KIF13B: variants seen among roughly 807,000 people sequenced by gnomAD.
KIF13B encodes the protein kinesin family member 13B, also known as kinesin-like protein KIF13B.
A neutral mutation model predicts 222.0 loss-of-function variants in KIF13B; 127 were observed. That is an observed-to-expected ratio of 0.57 (90% CI 0.50 to 0.66). The LOEUF (loss-of-function observed/expected upper bound fraction) is 0.66. KIF13B is among the 30% of genes least tolerant of loss of function. The probability of loss-of-function intolerance (pLI) is 0.00; values close to 1 mark genes in which losing one functional copy is unlikely to be tolerated. For missense variants in KIF13B, 2,173 were observed against 2,379.0 expected (o/e 0.91, Z 1.80); for synonymous variants, 976 against 919.0 (o/e 1.06, Z -1.12).
intron 10 of KIF13B, among the ~76,000 whole-genome samples, chr8:29,174,798 A>G (rs1812408414): frequency 6.6e-6 from 1 of 152,258 alleles, no homozygotes; most frequent in Non-Finnish European, 1.5e-5. Flanking sequence ...ACATTTACGT[A>G]AAGAATGTTT....
chr8:29,254,557 C>T (rs1019385314), intron 1 of KIF13B, among the ~76,000 whole-genome samples: 5 of 152,164 alleles, frequency 3.3e-5, no homozygotes, highest in African/African-American at 1.2e-4. Context: ...TGAAAAGACG[C>T]TCAACATTAT....
intron 2 of KIF13B, among the ~76,000 whole-genome samples, chr8:29,199,049 T>C (rs1044350579): frequency 6.9e-5 from 10 of 144,066 alleles, no homozygotes; most frequent in Non-Finnish European, 1.5e-4. Flanking sequence ...AAAAACCACT[T>C]GTACCCAAAA....
At chr8:29,185,236 G>C (rs552624641) in intron 6 of KIF13B, among the ~76,000 whole-genome samples, 1 of 152,212 alleles carries the variant, frequency 6.6e-6, no homozygotes, top group South Asian at 2.1e-4. Context: ...CTTCCCAGTG[G>C]ACCAACTTCC....
At position 29,117,027 on chromosome 8, in the gene KIF13B, G is replaced by C. The variant is rs776555348; in HGVS notation, c.3661-20C>G. ...TTTCACCTGGAGAGAAGACAGAGAG[G>C]AAACAGGTTTCTCTCTTCTCCAGAA... is the stretch of plus-strand genomic sequence containing the variant. On this transcript the variant is annotated intron_variant, in intron 30 of 39. Coordinates refer to ENST00000524189, the MANE Select transcript of KIF13B (RefSeq NM_015254.4). 3 of 1,532,878 alleles carry C rather than the reference G, an allele frequency of 2.0e-6. No individual in the cohort carries two copies. The highest frequency in any genetic ancestry group is 1.8e-6 in the Non-Finnish European group (2 of 1,133,216). The allele number at this position is 1,532,878 out of a possible 1,614,324, so 95.0% of individuals were successfully genotyped here. A position where few individuals can be genotyped will look rare whatever the true frequency, so the allele number is the denominator to read the frequency against.
intron 2 of KIF13B, among the ~76,000 whole-genome samples, chr8:29,208,857 C>T (rs1415585784): frequency 1.3e-5 from 2 of 152,236 alleles, no homozygotes; most frequent in Non-Finnish European, 2.9e-5. Flanking sequence ...CCCCAGGCCA[C>T]AGCCTCGTCT....
At chr8:29,142,695 C>T (rs1391547813) in intron 18 of KIF13B, among the ~76,000 whole-genome samples, 2 of 152,046 alleles carry the variant, frequency 1.3e-5, no homozygotes, top group African/African-American at 2.4e-5. Context: ...AAAAATTAGC[C>T]GGGTGTGGTG....
chr8:29,228,319 T>C (rs1210305624), intron 2 of KIF13B, among the ~76,000 whole-genome samples: 1 of 150,964 alleles, frequency 6.6e-6, no homozygotes, highest in African/African-American at 2.4e-5. Flanking sequence ...ATAGAGAAAT[T>C]AGCCGGACAT....
chr8:29,149,152 G>A lies in KIF13B; in HGVS notation c.1623-385C>T, dbSNP rs552581335. 6.6e-5 allele frequency among the ~76,000 whole-genome samples: 10 copies of A among 152,298 alleles called. No homozygotes were observed. The East Asian group carries it at 1.2e-3, about 18-fold the overall frequency. ...AAAATGGAAATGTTCATATTCCCTG[G>A]AGAAATGGGTAAAACAACGGGATAT... On this transcript the variant is annotated intron_variant, in intron 15 of 39. Transcript: ENST00000524189.
chr8:29,233,100 G>A (rs1344301758), intron 2 of KIF13B, among the ~76,000 whole-genome samples: 1 of 152,198 alleles, frequency 6.6e-6, no homozygotes, highest in Non-Finnish European at 1.5e-5. Flanking sequence ...AGGTTGCAGT[G>A]AGCAGAGATC....
chr8:29,201,323 C>G (rs562347818), intron 2 of KIF13B, among the ~76,000 whole-genome samples: 2 of 152,328 alleles, frequency 1.3e-5, no homozygotes, highest in Middle Eastern at 3.4e-3. Flanking sequence ...TTTTACTGAT[C>G]TGGCTTGTGG....
chr8:29,130,768 A>C, intron 23 of KIF13B, 103 bp from the exon 24 acceptor site: 1 of 1,015,900 alleles, frequency 9.8e-7, no homozygotes, highest in Non-Finnish European at 1.5e-6. Context: ...ATGACCTCCA[A>C]ACAGAGTAAT....
intron 38 of KIF13B, among the ~76,000 whole-genome samples, chr8:29,073,522 C>A (rs569630681): frequency 2.6e-5 from 4 of 151,984 alleles, no homozygotes; most frequent in African/African-American, 9.7e-5. Context: ...TCACAGTGAC[C>A]GAAGAAAAGG....
chr8:29,126,274 C>CAAA (rs1810104937), intron 26 of KIF13B, among the ~76,000 whole-genome samples: 1 of 152,114 alleles, frequency 6.6e-6, no homozygotes, highest in Non-Finnish European at 1.5e-5. Context: ...GGAAAAGGAT[C>CAAA]TCAGTCACGA....
chr8:29,107,803 G>A (rs944886511), intron 35 of KIF13B, among the ~76,000 whole-genome samples: 13 of 152,042 alleles, frequency 8.6e-5, no homozygotes, highest in Admixed American at 1.3e-4. Flanking sequence ...CTCGTGATCC[G>A]CCCTCCTTGG....
chr8:29,156,712 G>A (rs1260239042), intron 13 of KIF13B, among the ~76,000 whole-genome samples: 7 of 149,766 alleles, frequency 4.7e-5, no homozygotes, highest in Non-Finnish European at 1.0e-4. Context: ...GTAGAGACAG[G>A]GTCTCACTAT....
At chr8:29,089,206 C>T (rs1324274144) in intron 37 of KIF13B, among the ~76,000 whole-genome samples, 3 of 152,102 alleles carry the variant, frequency 2.0e-5, no homozygotes, top group African/African-American at 2.4e-5. Context: ...GGATACCAGA[C>T]GGGAGGACTT....
intron 37 of KIF13B, among the ~76,000 whole-genome samples, chr8:29,089,305 G>A (rs1237845989): frequency 6.6e-6 from 1 of 152,066 alleles, no homozygotes; most frequent in Non-Finnish European, 1.5e-5. Flanking sequence ...TGGGCGTGAT[G>A]GAGCGCACTT....
At chr8:29,224,486 T>C (rs565871307) in intron 2 of KIF13B, among the ~76,000 whole-genome samples, 10 of 152,244 alleles carry the variant, frequency 6.6e-5, no homozygotes, top group South Asian at 4.1e-4. Context: ...CTAAAGATAT[T>C]TGTAACAATG....
At chr8:29,226,831 CGTT>C (rs976580133) in intron 2 of KIF13B, among the ~76,000 whole-genome samples, 39 of 152,126 alleles carry the variant, frequency 2.6e-4, no homozygotes, top group African/African-American at 9.4e-4. Context: ...GTTTAAGTTT[CGTT>C]GTTAATTGTA....
Sources: gnomAD v4.1 joint callset for allele counts (sites outside exome capture counted in the v4.1 genomes callset) on GRCh38, gnomAD v4.1.1 for gene constraint, MANE v1.5 for transcripts, NCBI Gene and HGNC (gene_info 2026-07-23, HGNC 2026-07-21) for gene names.